CATSPERT: variants seen among roughly 807,000 people sequenced by gnomAD.
The protein encoded by CATSPERT is cation channel sperm-associated targeting subunit tau.
the CATSPERT span, chr2:201,493,617 T>C: frequency 2.6e-6 from 4 of 1,537,276 alleles, no homozygotes; most frequent in South Asian, 3.6e-5. Flanking sequence ...CTTCATGAAA[T>C]AGAATATGTG....
the CATSPERT span, among the ~76,000 whole-genome samples, chr2:201,613,908 G>A: frequency 1.3e-5 from 2 of 152,162 alleles, no homozygotes; most frequent in African/African-American, 2.4e-5. Flanking sequence ...ACTATGTGAC[G>A]CATGCACAAG....
the CATSPERT span, among the ~76,000 whole-genome samples, chr2:201,520,421 C>A: frequency 1.0e-3 from 156 of 152,268 alleles, 1 homozygote; most frequent in Non-Finnish European, 1.9e-3. Flanking sequence ...TGTTAGGACA[C>A]AAAACAAGTC....
the CATSPERT span, among the ~76,000 whole-genome samples, chr2:201,511,342 C>T: frequency 6.6e-5 from 10 of 152,098 alleles, no homozygotes; most frequent in African/African-American, 2.4e-4. Context: ...TATTATGTTC[C>T]AAGCCCTTTA....
At chr2:201,487,952 T>C in the CATSPERT span, 6 of 1,460,694 alleles carry the variant, frequency 4.1e-6, no homozygotes, top group Non-Finnish European at 5.5e-6. Flanking sequence ...TTCTTAAAAG[T>C]AGGTTTTAAA....
At chr2:201,571,908 T>C in the CATSPERT span, 626 of 1,583,696 alleles carry the variant, frequency 4.0e-4, 11 homozygotes, top group South Asian at 5.6e-3. Flanking sequence ...TGCCACATGA[T>C]CTGACCATAT....
chr2:201,581,951 C>T, the CATSPERT span: 1 of 1,018,674 alleles, frequency 9.8e-7, no homozygotes, highest in South Asian at 1.6e-5. Flanking sequence ...AATATATAGC[C>T]AAAAGGAGAT....
At chr2:201,605,141 C>A in the CATSPERT span, among the ~76,000 whole-genome samples, 1 of 151,862 alleles carries the variant, frequency 6.6e-6, no homozygotes, top group African/African-American at 2.4e-5. Context: ...CACATGCACA[C>A]ACACACTATA....
the CATSPERT span, among the ~76,000 whole-genome samples, chr2:201,529,422 C>T: frequency 6.6e-6 from 1 of 152,166 alleles, no homozygotes; most frequent in East Asian, 1.9e-4. Context: ...AACAGGTAGA[C>T]AACCCAGTAA....
chr2:201,531,579 A>G, the CATSPERT span, among the ~76,000 whole-genome samples: 54 of 152,270 alleles, frequency 3.5e-4, no homozygotes, highest in African/African-American at 1.2e-3. Context: ...ATTACTTTAC[A>G]TAGAGTGGTC....
the CATSPERT span, chr2:201,553,189 G>C: frequency 6.6e-6 from 1 of 152,100 alleles, no homozygotes; most frequent in African/African-American, 2.4e-5. Context: ...ACCACCAACA[G>C]GTATTCACCC....
the CATSPERT span, chr2:201,565,877 A>G: frequency 7.0e-6 from 11 of 1,568,382 alleles, no homozygotes; most frequent in Non-Finnish European, 9.5e-6. Flanking sequence ...ACTTTTCTGC[A>G]AAATAATAAT....
At chr2:201,521,059 GAA>G in the CATSPERT span, among the ~76,000 whole-genome samples, 1 of 151,922 alleles carries the variant, frequency 6.6e-6, no homozygotes, top group South Asian at 2.1e-4. Context: ...AGAAGAAATA[GAA>G]AGTCTGAACA....
chr2:201,540,731 C>T, the CATSPERT span, among the ~76,000 whole-genome samples: 1 of 152,212 alleles, frequency 6.6e-6, no homozygotes, highest in African/African-American at 2.4e-5. Context: ...TTCATGCCTG[C>T]AAACATAGAT....
At chr2:201,582,879 A>G in the CATSPERT span, among the ~76,000 whole-genome samples, 1 of 152,152 alleles carries the variant, frequency 6.6e-6, no homozygotes, top group East Asian at 1.9e-4. Context: ...ATCAGAGCCG[A>G]TATCAGCCTT....
the CATSPERT span, among the ~76,000 whole-genome samples, chr2:201,590,491 G>A: frequency 1.3e-5 from 2 of 151,854 alleles, no homozygotes; most frequent in East Asian, 1.9e-4. Flanking sequence ...AGTCCTTTGG[G>A]TATATACCCA....
At chr2:201,571,093 C>T in the CATSPERT span, among the ~76,000 whole-genome samples, 3 of 152,150 alleles carry the variant, frequency 2.0e-5, no homozygotes, top group Admixed American at 6.5e-5. Context: ...CCTCAGATGT[C>T]TTTGTATTTG....
At chr2:201,576,350 G>A in the CATSPERT span, among the ~76,000 whole-genome samples, 7 of 152,286 alleles carry the variant, frequency 4.6e-5, no homozygotes, top group African/African-American at 1.7e-4. Context: ...AAAAGATTAG[G>A]CTTTCAGCAG....
At chr2:201,599,788 AC>A in the CATSPERT span, among the ~76,000 whole-genome samples, 1 of 152,218 alleles carries the variant, frequency 6.6e-6, no homozygotes, top group Non-Finnish European at 1.5e-5. Flanking sequence ...TAAACACCTT[AC>A]TATATACTTT....
chr2:201,553,988 A>C, the CATSPERT span: 1 of 152,230 alleles, frequency 6.6e-6, no homozygotes, highest in Non-Finnish European at 1.5e-5. Flanking sequence ...ACTTAGGCCT[A>C]AGCTTATGAA....
Sources: gnomAD v4.1 joint callset for allele counts (sites outside exome capture counted in the v4.1 genomes callset) on GRCh38, gnomAD v4.1.1 for gene constraint, MANE v1.5 for transcripts, NCBI Gene and HGNC (gene_info 2026-07-23, HGNC 2026-07-21) for gene names.